SH3GL2: variants seen among roughly 807,000 people sequenced by gnomAD.
SH3GL2 encodes the protein endophilin-A1.
Under a neutral mutation model 46.0 loss-of-function variants are expected in SH3GL2, and 24 were observed. The ratio of observed to expected loss-of-function variants is 0.52; its 90% CI spans 0.38 to 0.73. The LOEUF (loss-of-function observed/expected upper bound fraction) is 0.73, where lower values mean the gene tolerates loss of function less well. Among genes scored for constraint, SH3GL2 ranks in the 30% least tolerant of loss-of-function variants. The pLI is 0.00. For missense variants in SH3GL2, 413 were observed against 424.2 expected, an observed-to-expected ratio of 0.97 and a Z score of 0.23; for synonymous variants, 196 against 147.1, an observed-to-expected ratio of 1.33 and a Z score of -2.40.
intron 1 of SH3GL2, among the ~76,000 whole-genome samples, chr9:17,733,930 A>G (rs571162509): frequency 6.6e-6 from 1 of 152,008 alleles, no homozygotes; most frequent in Admixed American, 6.6e-5. Context: ...ATGAGAACAC[A>G]TGGCCTCTCA....
intron 1 of SH3GL2, among the ~76,000 whole-genome samples, chr9:17,637,332 T>C (rs368513710): frequency 2.0e-5 from 3 of 152,332 alleles, no homozygotes; most frequent in African/African-American, 7.2e-5. Context: ...AACGAGAGTA[T>C]TCTTAAATTC....
At chr9:17,788,447 T>G (rs1824024714) in intron 5 of SH3GL2, among the ~76,000 whole-genome samples, 1 of 152,194 alleles carries the variant, frequency 6.6e-6, no homozygotes, top group Non-Finnish European at 1.5e-5. Context: ...TTCATTTTTT[T>G]AACTACTCCC....
At chr9:17,619,345 C>G (rs970575086) in intron 1 of SH3GL2, among the ~76,000 whole-genome samples, 18 of 152,064 alleles carry the variant, frequency 1.2e-4, no homozygotes, top group African/African-American at 4.1e-4. Context: ...TAAATATTTT[C>G]AAAAAACCTG....
intron 1 of SH3GL2, among the ~76,000 whole-genome samples, chr9:17,743,305 G>A (rs1010968160): frequency 6.6e-6 from 1 of 152,016 alleles, no homozygotes; most frequent in African/African-American, 2.4e-5. Flanking sequence ...GAACAATATA[G>A]ATGTTATTTT....
At chr9:17,780,288 A>G (rs549954732) in intron 3 of SH3GL2, among the ~76,000 whole-genome samples, 2 of 152,244 alleles carry the variant, frequency 1.3e-5, no homozygotes, top group South Asian at 4.1e-4. Flanking sequence ...CTGAAATATG[A>G]TCATAGAACA....
At position 17,635,233 on chromosome 9, in the gene SH3GL2, T is replaced by C. The variant is rs546324384; in HGVS notation, c.45+55946T>C. ...GCACCCACTTACAAGTAAGAACATATAGTATATGGTTTTCTGTTCCTGCAT... is the reference window on the plus strand; with the variant it reads ...GCACCCACTTACAAGTAAGAACATACAGTATATGGTTTTCTGTTCCTGCAT... On this transcript the variant is annotated intron_variant, in intron 1 of 8. Transcript: ENST00000380607. Among the ~76,000 whole-genome samples, 110 of 152,242 alleles carry C rather than the reference T, an allele frequency of 7.2e-4. 1 individual carries two copies. Among genetic ancestry groups the C allele is most frequent in the African/African-American group, 2.6e-3 (107 of 41,538 alleles).
chr9:17,682,411 G>A (rs769109815), intron 1 of SH3GL2, among the ~76,000 whole-genome samples: 1 of 152,082 alleles, frequency 6.6e-6, no homozygotes, highest in Admixed American at 6.5e-5. Context: ...CCTTTGCAGG[G>A]GCATGGATGA....
At chr9:17,645,983 G>C (rs1479083163) in intron 1 of SH3GL2, among the ~76,000 whole-genome samples, 1 of 151,824 alleles carries the variant, frequency 6.6e-6, no homozygotes, top group Non-Finnish European at 1.5e-5. Flanking sequence ...ACTTGGTTCC[G>C]TTTTCCCCAT....
intron 1 of SH3GL2, among the ~76,000 whole-genome samples, chr9:17,661,025 G>A (rs1299119312): frequency 2.0e-5 from 3 of 152,026 alleles, no homozygotes; most frequent in African/African-American, 4.8e-5. Flanking sequence ...AGCTGGGCAC[G>A]ATGGCAGGCA....
intron 1 of SH3GL2, among the ~76,000 whole-genome samples, chr9:17,739,882 C>T (rs890648879): frequency 6.6e-6 from 1 of 152,028 alleles, no homozygotes; most frequent in Non-Finnish European, 1.5e-5. Context: ...CCCCAGTGAA[C>T]CACACCAGAA....
At chr9:17,764,471 C>T (rs1823264830) in intron 3 of SH3GL2, among the ~76,000 whole-genome samples, 1 of 152,182 alleles carries the variant, frequency 6.6e-6, no homozygotes. Flanking sequence ...AATACTTTGC[C>T]CACTCAGCCT....
At chr9:17,775,625 C>T (rs1010827379) in intron 3 of SH3GL2, among the ~76,000 whole-genome samples, 13 of 152,160 alleles carry the variant, frequency 8.5e-5, no homozygotes, top group Non-Finnish European at 8.8e-5. Flanking sequence ...GGCATTTGTC[C>T]TGCTCAAGAT....
At chr9:17,609,638 G>C (rs1307607233) in intron 1 of SH3GL2, among the ~76,000 whole-genome samples, 1 of 152,200 alleles carries the variant, frequency 6.6e-6, no homozygotes, top group African/African-American at 2.4e-5. Context: ...ATCACATCAG[G>C]TTTGTGAATA....
chr9:17,579,327 C>G, intron 1 of SH3GL2, 40 bp downstream of exon 1: 1 of 1,451,502 alleles, frequency 6.9e-7, no homozygotes, highest in Non-Finnish European at 9.3e-7. Flanking sequence ...CAGTCCGGGG[C>G]GAAGCTGCGA....
intron 3 of SH3GL2, among the ~76,000 whole-genome samples, chr9:17,770,802 C>T (rs1311375668): frequency 6.6e-6 from 1 of 152,188 alleles, no homozygotes; most frequent in African/African-American, 2.4e-5. Flanking sequence ...TGGCCAACAG[C>T]CAGCGGGAAG....
At chr9:17,757,156 C>G (rs1410262872) in intron 2 of SH3GL2, among the ~76,000 whole-genome samples, 2 of 152,096 alleles carry the variant, frequency 1.3e-5, no homozygotes, top group Admixed American at 6.6e-5. Context: ...ATCCTTTGCC[C>G]CCTTTTTGAA....
chr9:17,747,931 C>A (rs905426195), intron 2 of SH3GL2, among the ~76,000 whole-genome samples: 12 of 152,152 alleles, frequency 7.9e-5, no homozygotes, highest in African/African-American at 2.9e-4. Flanking sequence ...GCCTCAGCCT[C>A]CCAAAGTGCT....
chr9:17,749,742 G>A (rs1342492887), intron 2 of SH3GL2, among the ~76,000 whole-genome samples: 1 of 152,184 alleles, frequency 6.6e-6, no homozygotes, highest in Non-Finnish European at 1.5e-5. Flanking sequence ...TTATTTTGGT[G>A]AGAAATATAT....
intron 1 of SH3GL2, among the ~76,000 whole-genome samples, chr9:17,743,627 G>A (rs1822597183): frequency 7.0e-6 from 1 of 141,858 alleles, no homozygotes; most frequent in Admixed American, 7.1e-5. Context: ...CCAATGGATT[G>A]ATGATTTGAC....
Sources: gnomAD v4.1 joint callset for allele counts (sites outside exome capture counted in the v4.1 genomes callset) on GRCh38, gnomAD v4.1.1 for gene constraint, MANE v1.5 for transcripts, NCBI Gene and HGNC (gene_info 2026-07-23, HGNC 2026-07-21) for gene names.